PLCB4: variants seen among roughly 807,000 people sequenced by gnomAD.
PLCB4 encodes 1-phosphatidylinositol 4,5-bisphosphate phosphodiesterase beta-4.
Under a neutral mutation model 178.8 loss-of-function variants are expected in PLCB4, and 77 were observed. That is an observed-to-expected ratio of 0.43 (90% CI 0.36 to 0.52). PLCB4 has a LOEUF of 0.52. PLCB4 is among the 20% of genes least tolerant of loss of function. The pLI, the probability that PLCB4 is intolerant of heterozygous loss-of-function variation, is 0.00. For synonymous variants in PLCB4, 496 were observed against 490.8 expected (o/e 1.01, Z -0.14); for missense variants, 1,024 against 1,453.4 (o/e 0.70, Z 4.80).
At chr20:9,224,359 A>G (rs527325504) in intron 3 of PLCB4, among the ~76,000 whole-genome samples, 2 of 152,196 alleles carry the variant, frequency 1.3e-5, no homozygotes, top group Admixed American at 1.3e-4. Context: ...ACAAAATGTG[A>G]AGTCTTCTGC....
chr20:9,132,517 A>G (rs1236573723), intron 2 of PLCB4, among the ~76,000 whole-genome samples: 1 of 152,188 alleles, frequency 6.6e-6, no homozygotes, highest in Non-Finnish European at 1.5e-5. Flanking sequence ...AAGTTTTCAT[A>G]TTGTAAAGAT....
intron 12 of PLCB4, among the ~76,000 whole-genome samples, chr20:9,379,319 T>A (rs574463861): frequency 6.6e-6 from 1 of 152,268 alleles, no homozygotes; most frequent in East Asian, 1.9e-4. Flanking sequence ...TGGTGCCTCA[T>A]GTCATAGCAG....
At chr20:9,145,061 T>C (rs901480594) in intron 2 of PLCB4, among the ~76,000 whole-genome samples, 1 of 152,096 alleles carries the variant, frequency 6.6e-6, no homozygotes, top group Non-Finnish European at 1.5e-5. Flanking sequence ...TTAGCTGTGT[T>C]TGCACTCATT....
At chr20:9,364,140 T>C (rs984428373) in intron 8 of PLCB4, among the ~76,000 whole-genome samples, 1 of 152,246 alleles carries the variant, frequency 6.6e-6, no homozygotes, top group African/African-American at 2.4e-5. Flanking sequence ...TCTATTTCTA[T>C]GTGTTGTGCA....
intron 2 of PLCB4, among the ~76,000 whole-genome samples, chr20:9,107,330 A>G (rs2091403722): frequency 1.3e-5 from 2 of 152,314 alleles, no homozygotes; most frequent in South Asian, 4.1e-4. Context: ...GGAACAACCA[A>G]CAGTCAAAAT....
At chr20:9,281,078 G>A (rs1177022870) in intron 3 of PLCB4, among the ~76,000 whole-genome samples, 2 of 151,812 alleles carry the variant, frequency 1.3e-5, no homozygotes, top group African/African-American at 2.4e-5. Flanking sequence ...TCAAAGAATC[G>A]TTCTATTAAA....
intron 2 of PLCB4, among the ~76,000 whole-genome samples, chr20:9,131,494 T>G (rs2092271761): frequency 6.6e-6 from 1 of 152,176 alleles, no homozygotes; most frequent in African/African-American, 2.4e-5. Context: ...AGTTGGTGGT[T>G]AAGGGCATAG....
In PLCB4 at chr20:9,408,997, T is replaced by C. The variant is rs2039667444; in HGVS notation, c.1875-60T>C. ...CTAGACCTTTGTTGTTTTAGCTCTT[T>C]GTTGTTTATTTTTCTCTGCTGTAGG... On this transcript the variant is annotated intron_variant, in intron 23 of 39. Transcript: ENST00000378473. 5 of 1,513,490 alleles carry C rather than the reference T, an allele frequency of 3.3e-6. No homozygotes were observed. The Admixed American group carries it at 9.7e-5, about 29-fold the overall frequency. 93.8% of individuals were successfully genotyped at this position (1,513,490 alleles called of 1,614,324 possible). A position where few individuals can be genotyped will look rare whatever the true frequency, so the allele number is the denominator to read the frequency against.
chr20:9,239,638 GAACT>G (rs1158776569), intron 3 of PLCB4, among the ~76,000 whole-genome samples: 2 of 152,144 alleles, frequency 1.3e-5, no homozygotes, highest in African/African-American at 4.8e-5. Context: ...TAGAGGGACA[GAACT>G]AACAGGACAG....
chr20:9,177,503 G>A (rs1031752275), intron 2 of PLCB4, among the ~76,000 whole-genome samples: 2 of 152,154 alleles, frequency 1.3e-5, no homozygotes, highest in Non-Finnish European at 2.9e-5. Context: ...TGGGGGCAAA[G>A]TATAATCAAG....
intron 36 of PLCB4, among the ~76,000 whole-genome samples, chr20:9,470,574 A>G (rs987447912): frequency 7.2e-5 from 11 of 152,242 alleles, no homozygotes; most frequent in African/African-American, 2.7e-4. Context: ...TATGTTACAA[A>G]GTAGACTTTA....
chr20:9,098,542 C>G (rs1375955802), intron 2 of PLCB4, among the ~76,000 whole-genome samples: 1 of 151,534 alleles, frequency 6.6e-6, no homozygotes, highest in Non-Finnish European at 1.5e-5. Context: ...TGACAGAGCC[C>G]AGGAGGCTGT....
chr20:9,152,798 T>A (rs1166815983), intron 2 of PLCB4, among the ~76,000 whole-genome samples: 1 of 152,064 alleles, frequency 6.6e-6, no homozygotes. Flanking sequence ...GCTTGCACCA[T>A]GTGCCTGGAA....
intron 4 of PLCB4, among the ~76,000 whole-genome samples, chr20:9,327,626 A>G (rs1429687141): frequency 2.6e-5 from 4 of 151,118 alleles, no homozygotes; most frequent in African/African-American, 9.8e-5. Flanking sequence ...AATACAAAAA[A>G]TTAGCCAGAC....
chr20:9,451,998 A>T (rs983514559), intron 32 of PLCB4, among the ~76,000 whole-genome samples: 1 of 152,080 alleles, frequency 6.6e-6, no homozygotes, highest in Non-Finnish European at 1.5e-5. Flanking sequence ...TTCCAATTAC[A>T]AATTAAGCCC....
chr20:9,338,862 ATT>A, intron 6 of PLCB4, 30 bp from the exon 7 acceptor site: 1 of 1,547,586 alleles, frequency 6.5e-7, no homozygotes, highest in Non-Finnish European at 8.8e-7. Context: ...GATGTAACTT[ATT>A]TTTTTTTCTA....
At chr20:9,106,560 C>T (rs552984591) in intron 2 of PLCB4, among the ~76,000 whole-genome samples, 1 of 151,724 alleles carries the variant, frequency 6.6e-6, no homozygotes, top group Admixed American at 6.6e-5. Flanking sequence ...CACACACACA[C>T]AAAATGTTCA....
At chr20:9,425,831 G>A (rs569567887) in intron 28 of PLCB4, among the ~76,000 whole-genome samples, 242 of 152,260 alleles carry the variant, frequency 1.6e-3, no homozygotes, top group Middle Eastern at 0.01. Flanking sequence ...GACATTATGC[G>A]GTGTCAGGGA....
intron 17 of PLCB4, 83 bp downstream of exon 17, chr20:9,390,698 C>A: frequency 1.5e-6 from 1 of 657,348 alleles, no homozygotes; most frequent in Non-Finnish European, 2.8e-6. Context: ...TACTAGAGGA[C>A]TAATGCTAAA....
Sources: gnomAD v4.1 joint callset for allele counts (sites outside exome capture counted in the v4.1 genomes callset) on GRCh38, gnomAD v4.1.1 for gene constraint, MANE v1.5 for transcripts, NCBI Gene and HGNC (gene_info 2026-07-23, HGNC 2026-07-21) for gene names.